Variants in ABTB2 observed in about 807,000 individuals in gnomAD.
ABTB2 encodes ankyrin repeat and BTB domain containing 2.
Under a neutral mutation model 104.1 loss-of-function variants are expected in ABTB2, and 56 were observed. The ratio of observed to expected loss-of-function variants is 0.54; its 90% CI spans 0.43 to 0.67. The LOEUF (loss-of-function observed/expected upper bound fraction) is 0.67. Among genes scored for constraint, ABTB2 ranks in the 30% least tolerant of loss-of-function variants. The probability of loss-of-function intolerance (pLI) is 0.00; values close to 1 mark genes in which losing one functional copy is unlikely to be tolerated. For missense variants in ABTB2, 1,279 were observed against 1,407.7 expected (o/e 0.91, Z 1.46); for synonymous variants, 606 against 608.2 (o/e 1.00, Z 0.05).
chr11:34,343,733 C>T (rs887749900), intron 1 of ABTB2, among the ~76,000 whole-genome samples: 2 of 152,110 alleles, frequency 1.3e-5, no homozygotes, highest in African/African-American at 4.8e-5. Flanking sequence ...CTTGGCCTCC[C>T]AAAGCGTTGG....
intron 1 of ABTB2, among the ~76,000 whole-genome samples, chr11:34,258,602 G>GT: frequency 7.3e-6 from 1 of 137,064 alleles, no homozygotes; most frequent in African/African-American, 3.1e-5. Flanking sequence ...AGAAGTGCCT[G>GT]CTCTTTTTTT....
At chr11:34,300,284 C>T (rs542741859) in intron 1 of ABTB2, among the ~76,000 whole-genome samples, 1 of 152,334 alleles carries the variant, frequency 6.6e-6, no homozygotes, top group South Asian at 2.1e-4. Context: ...GAAGGCCTTT[C>T]AATTTCCAAA....
chr11:34,278,731 A>G (rs1470658814), intron 1 of ABTB2, among the ~76,000 whole-genome samples: 1 of 152,180 alleles, frequency 6.6e-6, no homozygotes, highest in Non-Finnish European at 1.5e-5. Context: ...CAGGTCTCCA[A>G]AATGTCCAAC....
intron 1 of ABTB2, among the ~76,000 whole-genome samples, chr11:34,331,236 C>G (rs896768793): frequency 6.6e-6 from 1 of 152,180 alleles, no homozygotes; most frequent in African/African-American, 2.4e-5. Flanking sequence ...GCATACATGA[C>G]AAGCCTAAGA....
chr11:34,241,762 T>G (rs1183256138), intron 1 of ABTB2, among the ~76,000 whole-genome samples: 6 of 152,218 alleles, frequency 3.9e-5, no homozygotes, highest in Non-Finnish European at 8.8e-5. Context: ...AATCCCCATC[T>G]TGTATTCACC....
chr11:34,266,123 C>T (rs1208863535), intron 1 of ABTB2, among the ~76,000 whole-genome samples: 1 of 152,174 alleles, frequency 6.6e-6, no homozygotes. Flanking sequence ...CACTCTGTCA[C>T]CCAGGCTGGA....
intron 1 of ABTB2, among the ~76,000 whole-genome samples, chr11:34,321,477 T>C (rs891683551): frequency 3.3e-5 from 5 of 152,260 alleles, no homozygotes; most frequent in Non-Finnish European, 7.3e-5. Context: ...ACAATATTGC[T>C]TTATCCAGAA....
intron 1 of ABTB2, among the ~76,000 whole-genome samples, chr11:34,257,413 C>T (rs10836175): frequency 0.31 from 46,710 of 151,954 alleles, 7,655 homozygotes; most frequent in African/African-American, 0.42. Flanking sequence ...ACACTAGAAA[C>T]GGGCACAGAA....
At chr11:34,292,319 T>G (rs1854572466) in intron 1 of ABTB2, among the ~76,000 whole-genome samples, 1 of 152,200 alleles carries the variant, frequency 6.6e-6, no homozygotes, top group Admixed American at 6.5e-5. Context: ...ACATGCCTTA[T>G]GGCACAAAGA....
At chr11:34,289,630 G>A (rs114698896) in intron 1 of ABTB2, among the ~76,000 whole-genome samples, 5,839 of 152,208 alleles carry the variant, frequency 0.038, 374 homozygotes, top group African/African-American at 0.13. Context: ...AACCCACTCT[G>A]CTCAGGCCAT....
chr11:34,355,551 G>T lies in ABTB2; in HGVS notation c.883+1150C>A, dbSNP rs115106474. Among the ~76,000 whole-genome samples the T allele has an allele frequency of 6.0e-3, 907 of 152,220 alleles. 10 individuals carry two copies. The highest frequency in any genetic ancestry group is 0.02 in the African/African-American group (850 of 41,524). ...CTGAGAATAATGACGACACATTAAG[G>T]GTTATTTTGCATTTCAGCTATTATG... On this transcript the variant is annotated intron_variant, in intron 1 of 16. Coordinates refer to ENST00000435224, the MANE Select transcript of ABTB2 (RefSeq NM_145804.3).
intron 1 of ABTB2, among the ~76,000 whole-genome samples, chr11:34,225,881 T>C (rs947372171): frequency 3.3e-5 from 5 of 151,726 alleles, no homozygotes; most frequent in Admixed American, 6.6e-5. Flanking sequence ...TAGAAGTCCC[T>C]GGACATTCCA....
intron 1 of ABTB2, among the ~76,000 whole-genome samples, chr11:34,205,598 C>T (rs937658351): frequency 1.0e-5 from 1 of 99,612 alleles, no homozygotes; most frequent in Non-Finnish European, 2.2e-5. Flanking sequence ...CACTCACCCA[C>T]AAACTTTTTT....
intron 1 of ABTB2, among the ~76,000 whole-genome samples, chr11:34,234,385 G>A (rs1258807731): frequency 6.6e-6 from 1 of 152,188 alleles, no homozygotes; most frequent in Non-Finnish European, 1.5e-5. Flanking sequence ...GGCTGTAACC[G>A]GAATATCAGA....
chr11:34,230,315 G>A (rs760084029), intron 1 of ABTB2, among the ~76,000 whole-genome samples: 4 of 152,188 alleles, frequency 2.6e-5, no homozygotes, highest in Admixed American at 6.5e-5. Context: ...CACGTTAAGT[G>A]GCAGTCAGCT....
chr11:34,267,714 T>C (rs1348223935), intron 1 of ABTB2, among the ~76,000 whole-genome samples: 2 of 152,152 alleles, frequency 1.3e-5, no homozygotes, highest in Admixed American at 6.5e-5. Context: ...CCAGGTGCTA[T>C]CTGAGAAGGA....
intron 1 of ABTB2, among the ~76,000 whole-genome samples, chr11:34,254,670 C>CTTTTTTTT (rs57784717): frequency 2.3e-5 from 3 of 127,682 alleles, no homozygotes; most frequent in Non-Finnish European, 4.9e-5. Flanking sequence ...ATATTAGAAA[C>CTTTTTTTT]TTTTTTTTTT....
intron 14 of ABTB2, 118 bp downstream of exon 14, chr11:34,159,178 A>T (rs763264091): frequency 8.1e-6 from 6 of 745,288 alleles, no homozygotes; most frequent in Non-Finnish European, 1.1e-5. Flanking sequence ...ATTCAACAGA[A>T]TACAGAAGGC....
intron 1 of ABTB2, among the ~76,000 whole-genome samples, chr11:34,233,230 T>C (rs1853796530): frequency 6.6e-6 from 1 of 151,880 alleles, no homozygotes; most frequent in African/African-American, 2.4e-5. Context: ...TTTTATTTTT[T>C]TGAAGACAAA....
Sources: allele counts gnomAD v4.1 joint callset (sites outside exome capture counted in the v4.1 genomes callset), GRCh38; gene constraint gnomAD v4.1.1; transcripts MANE v1.5; gene names NCBI Gene and HGNC (gene_info 2026-07-23, HGNC 2026-07-21).